The following DNAH6 variants were observed in gnomAD, a reference collection of about 807,000 sequenced individuals.
The protein encoded by DNAH6 is axonemal beta dynein heavy chain 6.
DNAH6 carries 340 observed loss-of-function variants against 491.4 expected under a neutral mutation model. That is an observed-to-expected ratio of 0.69 (90% CI 0.63 to 0.76). The LOEUF (loss-of-function observed/expected upper bound fraction) is 0.76. Ranked by LOEUF, DNAH6 falls within the 30% of genes least tolerant of loss-of-function variation. DNAH6 has a pLI of 0.00. For missense variants in DNAH6, 4,443 were observed against 4,972.2 expected, an observed-to-expected ratio of 0.89 and a Z score of 3.20; for synonymous variants, 1,603 against 1,686.1, an observed-to-expected ratio of 0.95 and a Z score of 1.21.
At chr2:84,545,288 C>T (rs1319381722) in intron 5 of DNAH6, among the ~76,000 whole-genome samples, 1 of 152,078 alleles carries the variant, frequency 6.6e-6, no homozygotes, top group African/African-American at 2.4e-5. Context: ...AATATTAGTA[C>T]AAGACAAATA....
At chr2:84,744,810 A>G (rs567119838) in intron 62 of DNAH6, among the ~76,000 whole-genome samples, 4 of 152,148 alleles carry the variant, frequency 2.6e-5, no homozygotes, top group Non-Finnish European at 5.9e-5. Flanking sequence ...CATTTGCTTA[A>G]GTATCTCTAT....
the DNAH6 span, among the ~76,000 whole-genome samples, chr2:84,467,242 C>A: frequency 6.6e-6 from 1 of 152,148 alleles, no homozygotes; most frequent in Non-Finnish European, 1.5e-5. Context: ...ATCCTTTAAT[C>A]TAGGCAAGAA....
At chr2:84,668,667 T>G (rs1692411860) in intron 37 of DNAH6, among the ~76,000 whole-genome samples, 1 of 152,096 alleles carries the variant, frequency 6.6e-6, no homozygotes, top group Non-Finnish European at 1.5e-5. Context: ...ACCCCTTCTT[T>G]CCCACCCCAT....
At chr2:84,608,716 A>AT (rs34064624) in intron 21 of DNAH6, among the ~76,000 whole-genome samples, 122,655 of 152,078 alleles carry the variant, frequency 0.81, 52,161 homozygotes, top group East Asian at 0.99. Flanking sequence ...GGGCCTTGAG[A>AT]TTTTTTGAAT....
At chr2:84,686,003 G>T (rs779651956) in intron 43 of DNAH6, among the ~76,000 whole-genome samples, 3 of 151,960 alleles carry the variant, frequency 2.0e-5, no homozygotes, top group Admixed American at 1.3e-4. Flanking sequence ...TCTGGCCAAT[G>T]TAGTGAAACC....
chr2:84,526,469 T>TG (rs1288758586), intron 3 of DNAH6, among the ~76,000 whole-genome samples: 1 of 151,950 alleles, frequency 6.6e-6, no homozygotes, highest in Admixed American at 6.6e-5. Context: ...CTCAGCACAG[T>TG]GGGGTATAAG....
Position 84,653,753 on chromosome 2 carries a change from A to G in DNAH6, c.5513A>G (p.Asp1838Gly), listed in dbSNP as rs1426730511. The change falls in exon 34 of 77, where the codon GAT becomes GGT. Residue 1838 changes from aspartate (D) to glycine (G), a missense_variant. This residue lies in a region of DNAH6 where 2,977 missense variants were observed against 3,296.6 expected (regional missense o/e 0.90). Transcript: ENST00000389394. Reference protein sequence around the residue: ...TSEDHKWIISDGPVDALWIEN... With the variant: ...TSEDHKWIISGGPVDALWIEN... ...GAAGACCATAAATGGATCATCAGTG[A>G]TGGGCCAGTAGATGCTCTTTGGATT... The G allele has an allele frequency of 1.9e-6, 3 of 1,551,236 alleles. No homozygotes were observed. The highest frequency in any genetic ancestry group is 2.6e-6 in the Non-Finnish European group (3 of 1,146,690).
At chr2:84,786,093 A>G (rs1485907187) in intron 67 of DNAH6, among the ~76,000 whole-genome samples, 1 of 128,050 alleles carries the variant, frequency 7.8e-6, no homozygotes, top group Admixed American at 7.5e-5. Flanking sequence ...TGGTCTACAG[A>G]GAAAGAAAGA....
chr2:84,752,727 G>T (rs1673590759), intron 63 of DNAH6, among the ~76,000 whole-genome samples: 1 of 151,842 alleles, frequency 6.6e-6, no homozygotes, highest in Admixed American at 6.6e-5. Flanking sequence ...CGTCTCTGTT[G>T]TATCAAGTGT....
Position 84,704,240 on chromosome 2 carries a change from T to C in DNAH6, c.8403T>C (p.Phe2801=). Residue 2801 remains phenylalanine (F), a synonymous_variant, in exon 51 of 77, where the codon TTT becomes TTC. Coordinates refer to ENST00000389394, the MANE Select transcript of DNAH6 (RefSeq NM_001370.2). The part of the protein sequence containing the change: ...DKADISEIRV[F]TKPPDLVMTV... ...CAGATATATCTGAAATCAGAGTTTT[T>C]ACAAAGCCCCCAGATTTGGTCATGA... is the stretch of plus-strand genomic sequence containing the variant. The C allele has an allele frequency of 6.4e-7, 1 of 1,551,800 alleles. No homozygotes were observed. Among genetic ancestry groups the C allele is most frequent in the South Asian group, 1.2e-5 (1 of 84,062 alleles).
Position 84,594,058 on chromosome 2 carries a change from G to C in DNAH6, c.2697G>C (p.Trp899Cys). ...TGCTCTGGGATTCTTTCTCTGAATG[G>C]GATAAACTCCAACAAGAATGGTTAA... Reference protein sequence around the residue: ...KQLLWDSFSEWDKLQQEWLKS... With the variant: ...KQLLWDSFSECDKLQQEWLKS... The change falls in exon 17 of 77, where the codon TGG becomes TGC. Residue 899 changes from tryptophan to cysteine, a missense_variant. By Grantham distance (215) the Trp-to-Cys change is radical (BLOSUM62 -2). Transcript: ENST00000389394. 1 of 1,548,954 alleles carries C rather than the reference G, an allele frequency of 6.5e-7. No individual in the cohort carries two copies. The highest frequency in any genetic ancestry group is 1.4e-5 in the African/African-American group (1 of 73,068).
At position 84,640,438 on chromosome 2, in the gene DNAH6, A is replaced by G. The variant is rs921598011; in HGVS notation, c.4830A>G (p.Leu1610=). 3.3e-6 allele frequency: 5 copies of G among 1,493,348 alleles called. No individual in the cohort carries two copies. Among genetic ancestry groups the G allele is most frequent in the Non-Finnish European group, 4.6e-6 (5 of 1,094,670 alleles). 92.5% of individuals were successfully genotyped at this position (1,493,348 alleles called of 1,614,324 possible). ...PNYALIAEVI[L]YSEGFESSKI... The stretch of plus-strand genomic sequence containing the variant: ...TATTTTTTCTATTCTAGGTAATTCT[A>G]TATTCTGAAGGATTTGAATCCAGTA... Residue 1610 remains leucine, a synonymous_variant, in exon 32 of 77, where the codon CTA becomes CTG. Transcript: ENST00000389394.
chr2:84,639,138 C>T (rs543856727), intron 31 of DNAH6, among the ~76,000 whole-genome samples: 21 of 152,198 alleles, frequency 1.4e-4, no homozygotes, highest in Admixed American at 1.3e-3. Context: ...GTCCCCCATA[C>T]CCACTGTGGG....
chr2:84,471,954 A>G, the DNAH6 span, among the ~76,000 whole-genome samples: 1 of 152,144 alleles, frequency 6.6e-6, no homozygotes, highest in African/African-American at 2.4e-5. Flanking sequence ...GGGCACCCAC[A>G]CAGGCACCTC....
Position 84,624,446 on chromosome 2 carries a change from A to C in DNAH6, c.4198-19A>C. 1.3e-6 allele frequency: 2 copies of C among 1,550,856 alleles called. No homozygotes were observed. The highest frequency in any genetic ancestry group is 1.7e-6 in the Non-Finnish European group (2 of 1,146,594). ...CTTCTTTCTGAAATTAGTGTATCTAATATGTATATCACATATAGGTGGAGA... is the reference window on the plus strand; with the variant it reads ...CTTCTTTCTGAAATTAGTGTATCTACTATGTATATCACATATAGGTGGAGA... On this transcript the variant is annotated intron_variant, in intron 27 of 76. Coordinates refer to ENST00000389394, the MANE Select transcript of DNAH6 (RefSeq NM_001370.2).
intron 50 of DNAH6, 141 bp downstream of exon 50, chr2:84,703,703 TTAGCAA>T: frequency 2.1e-4 from 155 of 745,412 alleles, no homozygotes; most frequent in Non-Finnish European, 2.8e-4. Context: ...TTTTTTTTTT[TTAGCAA>T]TTTAGCAATG....
At chr2:84,683,840 CTT>C (rs1248536493) in intron 42 of DNAH6, among the ~76,000 whole-genome samples, 1 of 152,154 alleles carries the variant, frequency 6.6e-6, no homozygotes, top group Non-Finnish European at 1.5e-5. Context: ...TGACTGGCCT[CTT>C]TGAAAGCCAG....
At chr2:84,582,831 G>C (rs910093161) in intron 14 of DNAH6, among the ~76,000 whole-genome samples, 1 of 152,330 alleles carries the variant, frequency 6.6e-6, no homozygotes, top group South Asian at 2.1e-4. Context: ...CTAAAAGCCT[G>C]TCTGCAGTTA....
At chr2:84,621,769 GA>G (rs1687421885) in intron 26 of DNAH6, among the ~76,000 whole-genome samples, 1 of 152,072 alleles carries the variant, frequency 6.6e-6, no homozygotes, top group South Asian at 2.1e-4. Context: ...GAATACTTGT[GA>G]AAATAGGAGG....
Sources: gnomAD v4.1 joint callset for allele counts (sites outside exome capture counted in the v4.1 genomes callset) on GRCh38, gnomAD v4.1.1 for gene constraint, gnomAD v4.1.1 regional missense constraint, MANE v1.5 for transcripts, NCBI Gene and HGNC (gene_info 2026-07-23, HGNC 2026-07-21) for gene names.